The following COG7 variants were observed in gnomAD, a reference collection of about 807,000 sequenced individuals.
COG7 encodes the protein component of oligomeric golgi complex 7.
COG7 carries 49 observed loss-of-function variants against 91.5 expected under a neutral mutation model. That is an observed-to-expected ratio of 0.54 (90% confidence interval 0.43 to 0.68). The LOEUF (loss-of-function observed/expected upper bound fraction) is 0.68. Ranked by LOEUF, COG7 falls within the 30% of genes least tolerant of loss-of-function variation. The pLI is 0.00. For missense variants in COG7, 895 were observed against 961.3 expected, an observed-to-expected ratio of 0.93 and a Z score of 0.91; for synonymous variants, 365 against 388.7, an observed-to-expected ratio of 0.94 and a Z score of 0.72.
chr16:23,427,880 AT>A (rs983387562), intron 6 of COG7, among the ~76,000 whole-genome samples: 2 of 152,152 alleles, frequency 1.3e-5, no homozygotes, highest in African/African-American at 4.8e-5. Flanking sequence ...TTTAAATGTT[AT>A]TTTTAAAATT....
intron 4 of COG7, among the ~76,000 whole-genome samples, chr16:23,435,780 A>T (rs1964004595): frequency 6.6e-6 from 1 of 152,268 alleles, no homozygotes; most frequent in African/African-American, 2.4e-5. Context: ...GAAATGTTGT[A>T]ACAGCAACCG....
chr16:23,413,871 T>C (rs1963609619), intron 9 of COG7: 7 of 347,728 alleles, frequency 2.0e-5, no homozygotes, highest in South Asian at 1.9e-4. Context: ...AAATCCCCCC[T>C]CATCCAGATA....
Position 23,445,926 on chromosome 16 carries a change from C to T in COG7, c.205G>A (p.Val69Met). 2 of 1,605,226 alleles carry T rather than the reference C, an allele frequency of 1.2e-6. No individual in the cohort carries two copies. Among genetic ancestry groups the T allele is most frequent in the South Asian group, 2.2e-5 (2 of 90,878 alleles). Reference protein sequence around the residue: ...SHQALQNMPKVLRDVEALKQE... With the variant: ...SHQALQNMPKMLRDVEALKQE... ...TTTAGGGCTTCAACATCACGGAGCA[C>T]TTTGGGCATGTTCTGGAGAGCTTGG... The change falls in exon 2 of 17, where the codon GTG (valine) becomes ATG (methionine). Residue 69 changes from valine to methionine, a missense_variant. Val to Met is a conservative substitution (Grantham distance 21, BLOSUM62 1). Coordinates refer to ENST00000307149, the MANE Select transcript of COG7 (RefSeq NM_153603.4).
intron 8 of COG7, among the ~76,000 whole-genome samples, chr16:23,417,535 C>T (rs943668679): frequency 1.3e-5 from 2 of 152,118 alleles, no homozygotes; most frequent in East Asian, 1.9e-4. Context: ...GGATGGCAGA[C>T]GTGGGCAGAT....
intron 6 of COG7, among the ~76,000 whole-genome samples, chr16:23,425,976 G>T (rs559506678): frequency 1.3e-5 from 2 of 152,270 alleles, no homozygotes; most frequent in South Asian, 2.1e-4. Context: ...CACTTTTGGA[G>T]GCCTAGGTAG....
chr16:23,393,111 G>A, intron 15 of COG7, 122 bp downstream of exon 15: 2 of 738,658 alleles, frequency 2.7e-6, no homozygotes, highest in Middle Eastern at 3.6e-4. Flanking sequence ...GTACATGTTA[G>A]AAGGTTAAAA....
chr16:23,444,049 G>A (rs1334573217), intron 3 of COG7, among the ~76,000 whole-genome samples: 2 of 151,794 alleles, frequency 1.3e-5, no homozygotes, highest in African/African-American at 4.8e-5. Context: ...GTACTCGGGA[G>A]GCTGAGACAG....
Position 23,388,798 on chromosome 16 carries a change from C to A in COG7, c.*122G>T. 7.1e-6 allele frequency: 11 copies of A among 1,540,542 alleles called. No individual in the cohort carries two copies. The highest frequency in any genetic ancestry group is 9.6e-6 in the Non-Finnish European group (11 of 1,144,708). Reference sequence around the variant, plus strand: ...TACAGGCGTGAGCCACCGTGACCAGCTGAACCAAGTCTTTTTAAAGTAACT... The same window carrying A: ...TACAGGCGTGAGCCACCGTGACCAGATGAACCAAGTCTTTTTAAAGTAACT... On this transcript the variant is annotated 3_prime_UTR_variant, in exon 17 of 17. Coordinates refer to ENST00000307149, the MANE Select transcript of COG7 (RefSeq NM_153603.4).
At chr16:23,449,280 G>T (rs561107393) in intron 1 of COG7, among the ~76,000 whole-genome samples, 279 of 150,456 alleles carry the variant, frequency 1.9e-3, no homozygotes, top group Middle Eastern at 3.5e-3. Context: ...GGAGAATGGT[G>T]TAAACCCTGG....
intron 1 of COG7, among the ~76,000 whole-genome samples, chr16:23,448,310 T>C (rs1180078594): frequency 6.6e-6 from 1 of 152,166 alleles, no homozygotes; most frequent in Non-Finnish European, 1.5e-5. Flanking sequence ...AAAGTGTGAT[T>C]CTCTAATAAT....
chr16:23,409,088 T>TGTGTGCGCGTGC (rs567307217), intron 11 of COG7, among the ~76,000 whole-genome samples: 1 of 147,806 alleles, frequency 6.8e-6, no homozygotes, highest in African/African-American at 2.5e-5. Flanking sequence ...TGTGTGTGTG[T>TGTGTGCGCGTGC]GCGTGCATGT....
rs1316388412 is a variant in COG7, at chr16:23,425,034, G to A, written c.811-87C>T. 3.4e-6 allele frequency: 4 copies of A among 1,160,134 alleles called. No homozygotes were observed. The African/African-American group carries it at 4.6e-5, about 13-fold the overall frequency. 71.9% of individuals were successfully genotyped at this position (1,160,134 alleles called of 1,614,324 possible). ...TTAAAAAACTTTTTTGAGATGCCAGGCACGGTGGCTTATGCCTATAATCCC... is the reference window on the plus strand; with the variant it reads ...TTAAAAAACTTTTTTGAGATGCCAGACACGGTGGCTTATGCCTATAATCCC... On this transcript the variant is annotated intron_variant, in intron 6 of 16. Coordinates refer to ENST00000307149, the MANE Select transcript of COG7 (RefSeq NM_153603.4).
chr16:23,444,870 G>C (rs1048541765), intron 3 of COG7, among the ~76,000 whole-genome samples, 178 bp downstream of exon 3: 1 of 152,128 alleles, frequency 6.6e-6, no homozygotes, highest in African/African-American at 2.4e-5. Context: ...CAGTCACACA[G>C]AGGGTGCAAG....
intron 16 of COG7, among the ~76,000 whole-genome samples, chr16:23,390,508 C>G (rs576547694): frequency 1.3e-5 from 2 of 151,516 alleles, no homozygotes; most frequent in East Asian, 2.0e-4. Flanking sequence ...TCAGTGCCCC[C>G]CCACCGGCTA....
intron 4 of COG7, among the ~76,000 whole-genome samples, chr16:23,441,243 T>C (rs561691169): frequency 2.0e-5 from 3 of 152,228 alleles, no homozygotes; most frequent in Non-Finnish European, 4.4e-5. Context: ...TGGCAAACTA[T>C]GCGCCAGCAG....
chr16:23,426,724 G>C (rs966633959), intron 6 of COG7, among the ~76,000 whole-genome samples: 1 of 150,798 alleles, frequency 6.6e-6, no homozygotes, highest in Non-Finnish European at 1.5e-5. Context: ...GATACCCATT[G>C]GTAAGAGATG....
chr16:23,411,337 G>A (rs30010), intron 10 of COG7, among the ~76,000 whole-genome samples: 191 of 152,044 alleles, frequency 1.3e-3, no homozygotes, highest in Admixed American at 3.7e-3. Flanking sequence ...CTAAAAGTGC[G>A]CATCATCACC....
At chr16:23,442,445 A>C in intron 4 of COG7, 32 bp downstream of exon 4, 1 of 1,605,770 alleles carries the variant, frequency 6.2e-7, no homozygotes, top group South Asian at 1.1e-5. Flanking sequence ...ATAGAGAGAT[A>C]TACACAGAGA....
intron 14 of COG7, among the ~76,000 whole-genome samples, chr16:23,396,665 G>C (rs372950321): frequency 6.6e-6 from 1 of 151,798 alleles, no homozygotes; most frequent in Admixed American, 6.6e-5. Context: ...GGTGACAGAG[G>C]CTCCATCTCA....
Sources: allele counts gnomAD v4.1 joint callset (sites outside exome capture counted in the v4.1 genomes callset), GRCh38; gene constraint gnomAD v4.1.1; transcripts MANE v1.5; gene names NCBI Gene and HGNC (gene_info 2026-07-23, HGNC 2026-07-21).